The following SCN2A variants were observed in gnomAD, a reference collection of about 807,000 sequenced individuals.
SCN2A encodes sodium channel protein type 2 subunit alpha.
A neutral mutation model predicts 188.7 loss-of-function variants in SCN2A; 20 were observed. That is an observed-to-expected ratio of 0.11 (90% confidence interval 0.07 to 0.15). SCN2A has a LOEUF of 0.15. SCN2A is among the 10% of genes least tolerant of loss of function. SCN2A has a pLI of 1.00. For synonymous variants in SCN2A, 804 were observed against 833.1 expected (o/e 0.97, Z 0.60); for missense variants, 1,278 against 2,445.0 (o/e 0.52, Z 10.07).
At chr2:165,261,502 G>A (rs1694594101) in intron 1 of SCN2A, among the ~76,000 whole-genome samples, 1 of 152,200 alleles carries the variant, frequency 6.6e-6, no homozygotes, top group Middle Eastern at 3.2e-3. Flanking sequence ...GGTGATTGGT[G>A]TGCTGTTAAA....
At chr2:165,374,262 C>T (rs1701195646) in intron 21 of SCN2A, among the ~76,000 whole-genome samples, 1 of 152,020 alleles carries the variant, frequency 6.6e-6, no homozygotes, top group African/African-American at 2.4e-5. Context: ...TACCAGAATA[C>T]TGTTTATATT....
chr2:165,386,255 G>C (rs1438062296), intron 25 of SCN2A, among the ~76,000 whole-genome samples: 1 of 151,968 alleles, frequency 6.6e-6, no homozygotes, highest in Non-Finnish European at 1.5e-5. Context: ...CATTAGGTCA[G>C]GAGTTTGAGA....
At chr2:165,265,248 C>T (rs1055481404) in intron 1 of SCN2A, among the ~76,000 whole-genome samples, 9 of 151,082 alleles carry the variant, frequency 6.0e-5, no homozygotes, top group African/African-American at 2.2e-4. Context: ...TTTTTATATG[C>T]TTTGTTGGCC....
At chr2:165,352,227 A>G (rs1428727900) in intron 16 of SCN2A, among the ~76,000 whole-genome samples, 2 of 152,230 alleles carry the variant, frequency 1.3e-5, no homozygotes, top group Middle Eastern at 6.8e-3. Flanking sequence ...GCAAATTACA[A>G]TAAAACATAA....
At chr2:165,269,200 T>G (rs897215779) in intron 1 of SCN2A, 2 of 152,070 alleles carry the variant, frequency 1.3e-5, no homozygotes, top group Non-Finnish European at 2.9e-5. Context: ...TATTAATTAG[T>G]TTGATTTAAT....
chr2:165,270,990 C>T (rs959678204), intron 1 of SCN2A: 3 of 152,014 alleles, frequency 2.0e-5, no homozygotes, highest in Admixed American at 6.6e-5. Context: ...GATGTTTATA[C>T]CTCCCTGATC....
In SCN2A at chr2:165,359,850, G is replaced by A. The variant is rs552601992; in HGVS notation, c.3399+5179G>A. Among the ~76,000 whole-genome samples, 21 of 152,088 alleles carry A rather than the reference G, an allele frequency of 1.4e-4. No individual in the cohort carries two copies. In the South Asian group the frequency reaches 4.4e-3, roughly 32 times the overall value. On this transcript the variant is annotated intron_variant, in intron 17 of 26. Coordinates refer to ENST00000375437, the MANE Select transcript of SCN2A (RefSeq NM_001040142.2). ...AATCTACTGAGCAGTAGGACATCAT[G>A]ACATAAGAGTTCCTTTTGCCATCCG...
At chr2:165,291,446 CTTTCTTTCTT>C (rs1174880039) in intron 1 of SCN2A, among the ~76,000 whole-genome samples, 3 of 24,776 alleles carry the variant, frequency 1.2e-4, no homozygotes, top group Admixed American at 4.7e-4. Context: ...CTCTTTCTTT[CTTTCTTTCTT>C]TCTTTCTTTC....
chr2:165,297,205 C>T (rs1696555559), intron 3 of SCN2A, 70 bp downstream of exon 3: 1 of 916,650 alleles, frequency 1.1e-6, no homozygotes. Flanking sequence ...ACACATTTTC[C>T]AAAATATCTG....
intron 1 of SCN2A, among the ~76,000 whole-genome samples, chr2:165,261,185 A>T (rs1186131398): frequency 6.6e-6 from 1 of 152,210 alleles, no homozygotes. Flanking sequence ...AATATTTTTG[A>T]TCCATGGTTG....
chr2:165,322,776 T>C (rs1481678526), intron 11 of SCN2A, among the ~76,000 whole-genome samples: 1 of 152,202 alleles, frequency 6.6e-6, no homozygotes, highest in Non-Finnish European at 1.5e-5. Context: ...TGTTTAATTG[T>C]TTTCCATTGG....
chr2:165,338,474 A>T (rs1203778286), intron 14 of SCN2A, among the ~76,000 whole-genome samples: 1 of 151,900 alleles, frequency 6.6e-6, no homozygotes, highest in Non-Finnish European at 1.5e-5. Context: ...GTTAGCCAGG[A>T]TGGTCTTGAT....
At chr2:165,355,800 C>T (rs1263734286) in intron 17 of SCN2A, among the ~76,000 whole-genome samples, 1 of 151,714 alleles carries the variant, frequency 6.6e-6, no homozygotes, top group Non-Finnish European at 1.5e-5. Context: ...AGTTCGAGAC[C>T]AGCGTGGCCA....
chr2:165,295,263 G>T (rs1365675921), intron 1 of SCN2A, among the ~76,000 whole-genome samples: 1 of 152,204 alleles, frequency 6.6e-6, no homozygotes, highest in Non-Finnish European at 1.5e-5. Context: ...CCAGTGAATT[G>T]ACTTGGAATA....
At chr2:165,367,093 T>A in intron 18 of SCN2A, 124 bp from the exon 19 acceptor site, 1 of 877,586 alleles carries the variant, frequency 1.1e-6, no homozygotes, top group Non-Finnish European at 1.8e-6. Flanking sequence ...GCGGAAGCTA[T>A]CTTAAAAATT....
chr2:165,291,618 T>C (rs1490532214), intron 1 of SCN2A, among the ~76,000 whole-genome samples: 1 of 147,242 alleles, frequency 6.8e-6, no homozygotes, highest in African/African-American at 2.5e-5. Flanking sequence ...TTTGTCTTGC[T>C]CTATCTCCCA....
At chr2:165,248,031 T>G (rs1311648048) in intron 1 of SCN2A, among the ~76,000 whole-genome samples, 2 of 152,110 alleles carry the variant, frequency 1.3e-5, no homozygotes, top group Non-Finnish European at 2.9e-5. Context: ...GAGAAATTCC[T>G]GTTGATTTCA....
intron 3 of SCN2A, among the ~76,000 whole-genome samples, chr2:165,303,292 T>TC (rs1425391476): frequency 3.6e-5 from 4 of 109,728 alleles, no homozygotes; most frequent in African/African-American, 1.1e-4. Context: ...TTTTTTTTTT[T>TC]TGAGACGGGT....
At chr2:165,338,929 C>T (rs1699157772) in intron 14 of SCN2A, among the ~76,000 whole-genome samples, 1 of 152,010 alleles carries the variant, frequency 6.6e-6, no homozygotes, top group South Asian at 2.1e-4. Flanking sequence ...TTTCAGAAAA[C>T]CCTACATCTA....
Sources: gnomAD v4.1 joint callset for allele counts (sites outside exome capture counted in the v4.1 genomes callset) on GRCh38, gnomAD v4.1.1 for gene constraint, MANE v1.5 for transcripts, NCBI Gene and HGNC (gene_info 2026-07-23, HGNC 2026-07-21) for gene names.